The following PIP5K1B variants were observed in gnomAD, a reference collection of about 807,000 sequenced individuals.
PIP5K1B encodes phosphatidylinositol 4-phosphate 5-kinase type-1 beta.
PIP5K1B carries 42 observed loss-of-function variants against 67.0 expected under a neutral mutation model. That is an observed-to-expected ratio of 0.63 (90% confidence interval 0.49 to 0.81). The LOEUF (loss-of-function observed/expected upper bound fraction) is 0.81, where lower values mean the gene tolerates loss of function less well. PIP5K1B is among the 30% of genes least tolerant of loss of function. The pLI, the probability that PIP5K1B is intolerant of heterozygous loss-of-function variation, is 0.00. For synonymous variants in PIP5K1B, 214 were observed against 231.4 expected (o/e 0.92, Z 0.68); for missense variants, 459 against 646.3 (o/e 0.71, Z 3.14).
At chr9:68,994,947 G>A (rs545787825) in intron 15 of PIP5K1B, among the ~76,000 whole-genome samples, 8 of 151,370 alleles carry the variant, frequency 5.3e-5, no homozygotes, top group Non-Finnish European at 1.0e-4. Context: ...ACCAGCCAAG[G>A]CAACACAGTG....
intron 8 of PIP5K1B, among the ~76,000 whole-genome samples, chr9:68,914,710 A>G (rs1826015472): frequency 1.3e-5 from 2 of 150,792 alleles, no homozygotes; most frequent in South Asian, 4.2e-4. Context: ...GCAAGACTCC[A>G]TCTCAATAAA....
At chr9:68,836,833 T>C (rs565392561) in intron 4 of PIP5K1B, among the ~76,000 whole-genome samples, 3 of 152,344 alleles carry the variant, frequency 2.0e-5, no homozygotes, top group Non-Finnish European at 2.9e-5. Context: ...GCAGCATGTC[T>C]CAGGCATCCC....
At chr9:68,947,241 A>G (rs1266413419) in intron 14 of PIP5K1B, among the ~76,000 whole-genome samples, 1 of 152,214 alleles carries the variant, frequency 6.6e-6, no homozygotes, top group African/African-American at 2.4e-5. Flanking sequence ...TAACTGCAGG[A>G]GGCAGCTCCC....
intron 2 of PIP5K1B, among the ~76,000 whole-genome samples, chr9:68,799,272 A>G (rs11143755): frequency 0.053 from 8,062 of 152,302 alleles, 390 homozygotes; most frequent in African/African-American, 0.13. Context: ...TCTGTAGTAC[A>G]TACCTTCTGT....
chr9:68,813,487 G>T (rs1299794657), intron 2 of PIP5K1B, among the ~76,000 whole-genome samples: 1 of 152,162 alleles, frequency 6.6e-6, no homozygotes, highest in African/African-American at 2.4e-5. Context: ...CTGGAAGCAA[G>T]CACTGGCACA....
chr9:68,756,262 C>G (rs989015758), intron 2 of PIP5K1B, among the ~76,000 whole-genome samples: 4 of 152,134 alleles, frequency 2.6e-5, no homozygotes, highest in African/African-American at 9.6e-5. Flanking sequence ...TTTCCATTTC[C>G]AAAGCCGAAA....
At chr9:68,931,752 G>A (rs1827009998) in intron 12 of PIP5K1B, among the ~76,000 whole-genome samples, 1 of 152,218 alleles carries the variant, frequency 6.6e-6, no homozygotes, top group Non-Finnish European at 1.5e-5. Flanking sequence ...CATGGAGGCA[G>A]TCGAGTGGCA....
intron 2 of PIP5K1B, among the ~76,000 whole-genome samples, chr9:68,758,858 CA>C (rs1453388604): frequency 8.5e-5 from 13 of 152,056 alleles, no homozygotes; most frequent in Admixed American, 7.9e-4. Flanking sequence ...ATCTCGAAAA[CA>C]GAGGAAAAGA....
chr9:68,966,110 G>C (rs1382699396), intron 14 of PIP5K1B, among the ~76,000 whole-genome samples: 1 of 151,682 alleles, frequency 6.6e-6, no homozygotes, highest in Non-Finnish European at 1.5e-5. Context: ...ACACAGTTTT[G>C]AGTTATAACC....
chr9:68,937,598 A>G (rs1163307270), intron 13 of PIP5K1B, among the ~76,000 whole-genome samples: 2 of 151,974 alleles, frequency 1.3e-5, no homozygotes, highest in East Asian at 1.9e-4. Context: ...TTGTGTATCT[A>G]TCTCCTTCAG....
chr9:68,788,289 C>T, intron 2 of PIP5K1B: 1 of 620,070 alleles, frequency 1.6e-6, no homozygotes, highest in Non-Finnish European at 2.8e-6. Context: ...ATGACTTTTC[C>T]CTCTGCAGAC....
At chr9:68,963,727 C>T (rs1311331024) in intron 14 of PIP5K1B, among the ~76,000 whole-genome samples, 1 of 152,158 alleles carries the variant, frequency 6.6e-6, no homozygotes, top group Non-Finnish European at 1.5e-5. Context: ...ATTCATTATA[C>T]AGTCATTGCC....
chr9:68,897,901 G>C (rs1490331559), intron 8 of PIP5K1B, among the ~76,000 whole-genome samples: 1 of 152,102 alleles, frequency 6.6e-6, no homozygotes, highest in Non-Finnish European at 1.5e-5. Flanking sequence ...GCTTGACCTA[G>C]CTTATTCCCT....
chr9:68,790,997 C>G (rs1469090121), intron 2 of PIP5K1B, among the ~76,000 whole-genome samples: 3 of 152,162 alleles, frequency 2.0e-5, no homozygotes, highest in Non-Finnish European at 4.4e-5. Flanking sequence ...AAGTAGAGAA[C>G]AGAGAACCTA....
intron 8 of PIP5K1B, among the ~76,000 whole-genome samples, chr9:68,895,546 G>A (rs1287756440): frequency 6.6e-6 from 1 of 151,988 alleles, no homozygotes; most frequent in Non-Finnish European, 1.5e-5. Flanking sequence ...AAACTCACGT[G>A]AAGGTGAGGA....
chr9:68,737,987 G>C (rs1828820781), intron 1 of PIP5K1B, among the ~76,000 whole-genome samples: 1 of 152,200 alleles, frequency 6.6e-6, no homozygotes, highest in Non-Finnish European at 1.5e-5. Flanking sequence ...GAGGATGACA[G>C]AATAATGCAA....
chr9:68,827,972 A>C (rs1834075473), intron 4 of PIP5K1B, among the ~76,000 whole-genome samples: 1 of 152,198 alleles, frequency 6.6e-6, no homozygotes, highest in Non-Finnish European at 1.5e-5. Context: ...CAAAACAAAC[A>C]GATGTCAGGG....
In PIP5K1B at chr9:68,880,583, ACACACG is replaced by A. The variant is rs1303447752; in HGVS notation, c.318+3792_318+3797del. On this transcript the variant is annotated intron_variant, in intron 6 of 15. Coordinates refer to ENST00000265382, the MANE Select transcript of PIP5K1B (RefSeq NM_003558.4). The stretch of plus-strand genomic sequence containing the variant: ...CACACACACACACACACACACACAC[ACACACG>A]CATACACACACACACACACACACAC... Among the ~76,000 whole-genome samples the A allele has an allele frequency of 4.9e-4, 25 of 50,522 alleles. No individual in the cohort carries two copies. In the East Asian group the frequency reaches 8.0e-3, roughly 16 times the overall value. The allele number at this position is 50,522 out of a possible 152,430, so 33.1% of individuals were successfully genotyped here. A position where few individuals can be genotyped will look rare whatever the true frequency, so the allele number is the denominator to read the frequency against.
intron 12 of PIP5K1B, among the ~76,000 whole-genome samples, chr9:68,934,613 CTTTA>C (rs67470380): frequency 0.64 from 97,227 of 151,522 alleles, 34,595 homozygotes; most frequent in Non-Finnish European, 0.78. Context: ...TCAAGTAAGA[CTTTA>C]TTGCAAAATC....
Sources: gnomAD v4.1 joint callset for allele counts (sites outside exome capture counted in the v4.1 genomes callset) on GRCh38, gnomAD v4.1.1 for gene constraint, MANE v1.5 for transcripts, NCBI Gene and HGNC (gene_info 2026-07-23, HGNC 2026-07-21) for gene names.